UBXN2A: variants seen among roughly 807,000 people sequenced by gnomAD.
UBXN2A encodes the protein UBX domain-containing protein 2A.
A neutral mutation model predicts 28.4 loss-of-function variants in UBXN2A; 28 were observed. The observed-to-expected ratio is 0.99, with a 90% CI of 0.73 to 1.35. UBXN2A has a LOEUF of 1.35. Ranked by LOEUF, UBXN2A falls within the 40% of genes most tolerant of loss-of-function variation. The pLI is 0.00. For synonymous variants in UBXN2A, 97 were observed against 103.6 expected (o/e 0.94, Z 0.39); for missense variants, 253 against 297.9 (o/e 0.85, Z 1.11).
At chr2:23,988,000 G>A (rs1370594988) in intron 6 of UBXN2A, among the ~76,000 whole-genome samples, 1 of 151,372 alleles carries the variant, frequency 6.6e-6, no homozygotes, top group African/African-American at 2.4e-5. Flanking sequence ...GCGTATGTCT[G>A]TAATCTCAGC....
At chr2:23,930,524 C>T (rs1705336124) in intron 1 of UBXN2A, among the ~76,000 whole-genome samples, 2 of 152,110 alleles carry the variant, frequency 1.3e-5, no homozygotes, top group South Asian at 2.1e-4. Context: ...CCCTGAGATA[C>T]GTGTTGAACC....
At chr2:23,928,531 C>G (rs1484831126) in intron 1 of UBXN2A, among the ~76,000 whole-genome samples, 1 of 151,428 alleles carries the variant, frequency 6.6e-6, no homozygotes, top group Non-Finnish European at 1.5e-5. Context: ...AAGCCAAGAT[C>G]GTGCCACTGC....
intron 2 of UBXN2A, among the ~76,000 whole-genome samples, chr2:23,958,831 G>A (rs1337863373): frequency 1.3e-5 from 2 of 152,116 alleles, no homozygotes; most frequent in Non-Finnish European, 2.9e-5. Context: ...GGTTTTATGT[G>A]TGTATCTTTT....
intron 6 of UBXN2A, among the ~76,000 whole-genome samples, chr2:23,997,456 A>T (rs1158448952): frequency 1.3e-5 from 2 of 151,852 alleles, no homozygotes; most frequent in South Asian, 2.1e-4. Flanking sequence ...ATTTATTTTT[A>T]TTTATTTATT....
rs1708759147 is a variant in UBXN2A, at chr2:24,003,899, G to A, written c.*4032G>A. 6.6e-6 allele frequency: 1 copy of A among 152,132 alleles called. No homozygotes were observed. The highest frequency in any genetic ancestry group is 1.5e-5 in the Non-Finnish European group (1 of 68,050). 9.4% of individuals were successfully genotyped at this position (152,132 alleles called of 1,614,324 possible). Reference sequence around the variant, plus strand: ...TTATAGTCAACATATGATTCTCCATGTAGGGGTCTCTCATTGAGAATGTTT... The same window carrying A: ...TTATAGTCAACATATGATTCTCCATATAGGGGTCTCTCATTGAGAATGTTT... On this transcript the variant is annotated 3_prime_UTR_variant, in exon 7 of 7. Transcript: ENST00000309033.
chr2:23,991,771 C>CT (rs1265011136), intron 6 of UBXN2A, among the ~76,000 whole-genome samples: 2 of 149,128 alleles, frequency 1.3e-5, no homozygotes, highest in South Asian at 4.3e-4. Flanking sequence ...AGTGCCCGGC[C>CT]TTTTTTGTTT....
At chr2:23,992,943 G>GT (rs1273138939) in intron 6 of UBXN2A, among the ~76,000 whole-genome samples, 1 of 152,108 alleles carries the variant, frequency 6.6e-6, no homozygotes, top group East Asian at 1.9e-4. Flanking sequence ...GTTTTGTGGG[G>GT]TTTTTTCCTC....
intron 2 of UBXN2A, among the ~76,000 whole-genome samples, chr2:23,961,129 CTT>C (rs1264870175): frequency 6.6e-6 from 1 of 150,544 alleles, no homozygotes; most frequent in South Asian, 2.1e-4. Flanking sequence ...GAGTTTTGCT[CTT>C]GTCACCCAGG....
intron 4 of UBXN2A, among the ~76,000 whole-genome samples, chr2:23,982,432 G>A (rs1011143147): frequency 2.0e-5 from 3 of 151,976 alleles, no homozygotes; most frequent in Middle Eastern, 3.2e-3. Context: ...GCCACAGATT[G>A]GACAAGCCTG....
chr2:23,938,822 TG>T (rs1705616529), upstream of UBXN2A, among the ~76,000 whole-genome samples: 2 of 152,232 alleles, frequency 1.3e-5, no homozygotes, highest in Non-Finnish European at 2.9e-5. Context: ...AATTGATTTT[TG>T]ACAAGGGAAG....
intron 2 of UBXN2A, among the ~76,000 whole-genome samples, chr2:23,964,199 T>A (rs914691382): frequency 4.7e-5 from 7 of 150,406 alleles, no homozygotes; most frequent in Admixed American, 2.0e-4. Context: ...ATACCCAAAA[T>A]GGAATATTAT....
intron 6 of UBXN2A, among the ~76,000 whole-genome samples, chr2:23,986,213 G>C (rs1166254405): frequency 6.6e-6 from 1 of 152,070 alleles, no homozygotes; most frequent in Non-Finnish European, 1.5e-5. Flanking sequence ...TGGAGGCTGA[G>C]GCAGGAGAAT....
rs1395023389 is a variant in UBXN2A at position 23,982,891 on chromosome 2, C to T, written c.288-5C>T. On this transcript the variant is annotated splice_region_variant and splice_polypyrimidine_tract_variant and intron_variant, in intron 4 of 6. Transcript: ENST00000309033. Reference sequence around the variant, plus strand: ...CTTTATCATTTTCTTTCTTTGTTTTCCAAGGGAATTACCTTCAGAATTACA... The same window carrying T: ...CTTTATCATTTTCTTTCTTTGTTTTTCAAGGGAATTACCTTCAGAATTACA... 1.9e-6 allele frequency: 3 copies of T among 1,583,854 alleles called. No individual in the cohort carries two copies. Among genetic ancestry groups the T allele is most frequent in the Non-Finnish European group, 2.6e-6 (3 of 1,167,002 alleles).
At chr2:23,941,601 G>A (rs1397726970) in intron 1 of UBXN2A, among the ~76,000 whole-genome samples, 2 of 151,920 alleles carry the variant, frequency 1.3e-5, no homozygotes, top group East Asian at 3.8e-4. Flanking sequence ...CACTGTGGAG[G>A]GTACTTTACT....
intron 6 of UBXN2A, among the ~76,000 whole-genome samples, chr2:23,999,034 C>T (rs1708647480): frequency 6.6e-6 from 1 of 152,132 alleles, no homozygotes; most frequent in African/African-American, 2.4e-5. Flanking sequence ...GGGTCTTAGA[C>T]TTTTTTGGTA....
chr2:23,927,480 G>C (rs1198661959), exon 1 of UBXN2A: 1 of 153,604 alleles, frequency 6.5e-6, no homozygotes, highest in East Asian at 1.9e-4. Context: ...GGCGACGAAG[G>C]CGCGAGGAGC....
chr2:23,999,848 G>A lies in UBXN2A; in HGVS notation c.761G>A (p.Arg254Lys). The part of the protein sequence containing the change: ...IQRLQKTASF[R>K]ELSEH ...AGACTCCAAAAAACTGCATCTTTTA[G>A]AGAACTTTCAGAGCACTGATTTTTG... The change falls in exon 7 of 7, where the codon AGA becomes AAA. Residue 254 changes from arginine (R) to lysine (K), a missense_variant. Coordinates refer to ENST00000309033, the MANE Select transcript of UBXN2A (RefSeq NM_181713.4). The A allele has an allele frequency of 6.2e-7, 1 of 1,612,554 alleles. No individual in the cohort carries two copies. Among genetic ancestry groups the A allele is most frequent in the Non-Finnish European group, 8.5e-7 (1 of 1,179,594 alleles).
intron 3 of UBXN2A, among the ~76,000 whole-genome samples, chr2:23,972,678 C>T (rs1036484542): frequency 2.6e-5 from 4 of 151,854 alleles, no homozygotes; most frequent in Middle Eastern, 3.4e-3. Context: ...AAAAAGTAGC[C>T]GGGTGTGGTG....
chr2:23,999,673 G>T lies in UBXN2A; in HGVS notation c.586G>T (p.Val196Leu). 6.2e-7 allele frequency: 1 copy of T among 1,612,276 alleles called. No homozygotes were observed. The highest frequency in any genetic ancestry group is 1.1e-5 in the South Asian group (1 of 90,630). ...TTAATAGTTTTTGCTGTTTTACAGA[G>T]TAAGCCATATCAAAGACTTCATTGA... ...IVQKFNITHR[V>L]SHIKDFIEKY... Residue 196 changes from valine (V) to leucine (L), a missense_variant and splice_region_variant, in exon 7 of 7, where the codon GTA (valine) becomes TTA (leucine). Physicochemically the swap from Val to Leu is conservative, Grantham distance 32. Coordinates refer to ENST00000309033, the MANE Select transcript of UBXN2A (RefSeq NM_181713.4).
Sources: allele counts gnomAD v4.1 joint callset (sites outside exome capture counted in the v4.1 genomes callset), GRCh38; gene constraint gnomAD v4.1.1; transcripts MANE v1.5; gene names NCBI Gene and HGNC (gene_info 2026-07-23, HGNC 2026-07-21).